The following SLC4A10 variants were observed in gnomAD, a reference collection of about 807,000 sequenced individuals.
SLC4A10 encodes the protein sodium-driven chloride bicarbonate exchanger.
In SLC4A10, 42 loss-of-function variants were observed where a neutral mutation model predicts 137.7. The ratio of observed to expected loss-of-function variants is 0.30; its 90% CI spans 0.24 to 0.39. The LOEUF is 0.39. SLC4A10 is among the 10% of genes least tolerant of loss of function. The pLI, the probability that SLC4A10 is intolerant of heterozygous loss-of-function variation, is 1.00. For synonymous variants in SLC4A10, 474 were observed against 464.1 expected (o/e 1.02, Z -0.27); for missense variants, 925 against 1,355.0 (o/e 0.68, Z 4.98).
chr2:161,835,753 A>C (rs2058725568), intron 3 of SLC4A10, among the ~76,000 whole-genome samples: 1 of 152,206 alleles, frequency 6.6e-6, no homozygotes, highest in South Asian at 2.1e-4. Context: ...GAGACTGTGC[A>C]ATTGCTTATA....
intron 1 of SLC4A10, among the ~76,000 whole-genome samples, chr2:161,715,399 A>C (rs1228570913): frequency 6.6e-6 from 1 of 152,090 alleles, no homozygotes; most frequent in Non-Finnish European, 1.5e-5. Context: ...TCTGTTACAT[A>C]GGTAAATGTG....
intron 15 of SLC4A10, among the ~76,000 whole-genome samples, chr2:161,940,647 A>G (rs1322437738): frequency 6.6e-6 from 1 of 152,222 alleles, no homozygotes; most frequent in Non-Finnish European, 1.5e-5. Context: ...TTCAAGATAA[A>G]GGTATTCTCA....
At chr2:161,940,990 G>A (rs12619801) in intron 15 of SLC4A10, among the ~76,000 whole-genome samples, 2,003 of 151,912 alleles carry the variant, frequency 0.013, 41 homozygotes, top group East Asian at 0.099. Flanking sequence ...CTGGAATTTA[G>A]TTGGAGCAGA....
rs77264852 is a variant in SLC4A10 at position 161,769,182 on chromosome 2, C to T, written c.49-1791C>T. Among the ~76,000 whole-genome samples, 1,091 of 152,000 alleles carry T rather than the reference C, an allele frequency of 7.2e-3. 13 individuals are homozygous for T. Among genetic ancestry groups the T allele is most frequent in the African/African-American group, 0.025 (1,017 of 41,484 alleles). ...GAGCCCTTTCTAACCCCTTGAGTGA[C>T]GACATTACATCTAGAATCTCTGCTT... On this transcript the variant is annotated intron_variant, in intron 1 of 26. Coordinates refer to ENST00000446997, the MANE Select transcript of SLC4A10 (RefSeq NM_001178015.2).
At chr2:161,873,074 T>A (rs1052483202) in intron 7 of SLC4A10, among the ~76,000 whole-genome samples, 4 of 152,130 alleles carry the variant, frequency 2.6e-5, no homozygotes, top group African/African-American at 9.7e-5. Flanking sequence ...TTTTCTTCTA[T>A]TTGTGGGAAA....
At chr2:161,823,775 G>C (rs2057815932) in intron 3 of SLC4A10, among the ~76,000 whole-genome samples, 1 of 152,192 alleles carries the variant, frequency 6.6e-6, no homozygotes. Context: ...TGCTTGAACA[G>C]GTTTTTAAAG....
chr2:161,780,152 A>G (rs769673904), intron 2 of SLC4A10, among the ~76,000 whole-genome samples: 5 of 152,064 alleles, frequency 3.3e-5, no homozygotes, highest in Admixed American at 6.6e-5. Flanking sequence ...TCATGCTTTT[A>G]TAGCACAGTG....
At chr2:161,861,890 A>C (rs1325914573) in intron 5 of SLC4A10, among the ~76,000 whole-genome samples, 2 of 152,196 alleles carry the variant, frequency 1.3e-5, no homozygotes, top group Non-Finnish European at 2.9e-5. Flanking sequence ...CACTGAAGGA[A>C]AACATTGTTG....
intron 5 of SLC4A10, among the ~76,000 whole-genome samples, 174 bp from the exon 6 acceptor site, chr2:161,862,700 T>C (rs2060500047): frequency 6.6e-6 from 1 of 152,234 alleles, no homozygotes; most frequent in Non-Finnish European, 1.5e-5. Context: ...ATTTCTACAA[T>C]GGAAGATAAA....
chr2:161,784,738 T>C (rs959121829), intron 2 of SLC4A10, among the ~76,000 whole-genome samples: 26 of 151,610 alleles, frequency 1.7e-4, no homozygotes, highest in African/African-American at 6.0e-4. Flanking sequence ...ACTTATGGTA[T>C]ACAGCCAAAG....
At chr2:161,875,276 A>G (rs1414456486) in intron 8 of SLC4A10, among the ~76,000 whole-genome samples, 3 of 152,152 alleles carry the variant, frequency 2.0e-5, no homozygotes, top group South Asian at 2.1e-4. Flanking sequence ...TTAGTTTAGT[A>G]GTGAATTTAT....
intron 15 of SLC4A10, among the ~76,000 whole-genome samples, chr2:161,923,763 A>G (rs1688558556): frequency 6.6e-6 from 1 of 152,080 alleles, no homozygotes; most frequent in African/African-American, 2.4e-5. Context: ...AACATGGCAC[A>G]TGTATACATA....
At chr2:161,962,842 G>GT (rs1696957814) in intron 21 of SLC4A10, among the ~76,000 whole-genome samples, 2 of 152,068 alleles carry the variant, frequency 1.3e-5, no homozygotes, top group African/African-American at 2.4e-5. Context: ...AAAACAGGGT[G>GT]TTTTGACTCT....
intron 2 of SLC4A10, among the ~76,000 whole-genome samples, chr2:161,776,897 A>G (rs142184539): frequency 1.4e-5 from 2 of 139,292 alleles, no homozygotes; most frequent in Non-Finnish European, 3.0e-5. Flanking sequence ...GTGTGTTTTG[A>G]TAGTTATGGT....
chr2:161,759,099 T>C (rs1229474500), intron 1 of SLC4A10, among the ~76,000 whole-genome samples: 1 of 152,008 alleles, frequency 6.6e-6, no homozygotes, highest in African/African-American at 2.4e-5. Flanking sequence ...TTATTTCTTC[T>C]TGAAGCGTAT....
intron 15 of SLC4A10, among the ~76,000 whole-genome samples, chr2:161,920,175 G>A (rs951183919): frequency 1.3e-5 from 2 of 152,188 alleles, no homozygotes; most frequent in African/African-American, 4.8e-5. Flanking sequence ...AGCACAACCT[G>A]CCAGGCCTAG....
In SLC4A10 at chr2:161,958,504, G is replaced by A. The variant is rs945335338; in HGVS notation, c.2811G>A (p.Val937=). ...TTTTACAGTTTATTCCCATGCCAGT[G>A]CTATATGGAGTGTTTCTTTATATGG... is the stretch of plus-strand genomic sequence containing the variant. ...TSILKFIPMP[V]LYGVFLYMGA... is the part of the protein sequence containing the mutation. Residue 937 remains valine, a synonymous_variant, in exon 21 of 27, where the codon GTG becomes GTA. Transcript: ENST00000446997. 3 of 1,611,176 alleles carry A rather than the reference G, an allele frequency of 1.9e-6. No homozygotes were observed. Among genetic ancestry groups the A allele is most frequent in the Non-Finnish European group, 2.5e-6 (3 of 1,178,336 alleles).
intron 23 of SLC4A10, among the ~76,000 whole-genome samples, chr2:161,966,078 A>G (rs1420156478): frequency 6.6e-6 from 1 of 152,214 alleles, no homozygotes; most frequent in Admixed American, 6.5e-5. Flanking sequence ...TATATTTCCT[A>G]TTTCCTTTGG....
At chr2:161,843,828 C>G (rs2059336180) in intron 4 of SLC4A10, among the ~76,000 whole-genome samples, 1 of 152,134 alleles carries the variant, frequency 6.6e-6, no homozygotes, top group Admixed American at 6.6e-5. Flanking sequence ...ATTTTATCAG[C>G]TCATTCCACC....
Sources: allele counts gnomAD v4.1 joint callset (sites outside exome capture counted in the v4.1 genomes callset), GRCh38; gene constraint gnomAD v4.1.1; transcripts MANE v1.5; gene names NCBI Gene and HGNC (gene_info 2026-07-23, HGNC 2026-07-21).